Variants in HEMK2 observed in about 807,000 individuals in gnomAD.
HEMK2 encodes methyltransferase HEMK2.
chr21:28,767,652 A>T, the HEMK2 span, among the ~76,000 whole-genome samples: 2 of 152,122 alleles, frequency 1.3e-5, no homozygotes, highest in African/African-American at 4.8e-5. Context: ...AATCCGTTGT[A>T]ACCACACACA....
the HEMK2 span, among the ~76,000 whole-genome samples, chr21:28,802,285 T>C: frequency 6.6e-6 from 1 of 152,220 alleles, no homozygotes; most frequent in Admixed American, 6.5e-5. Flanking sequence ...CAGTGTGTGT[T>C]GTATGTTACC....
At chr21:28,884,557 A>C in the HEMK2 span, among the ~76,000 whole-genome samples, 6 of 152,246 alleles carry the variant, frequency 3.9e-5, no homozygotes, top group African/African-American at 1.4e-4. Context: ...CGATCACTTC[A>C]ATAAATCCAT....
At chr21:28,597,497 G>C in the HEMK2 span, among the ~76,000 whole-genome samples, 2 of 152,142 alleles carry the variant, frequency 1.3e-5, no homozygotes, top group African/African-American at 4.8e-5. Flanking sequence ...TTCTTTTTCT[G>C]GTAGTTTTGA....
the HEMK2 span, among the ~76,000 whole-genome samples, chr21:28,812,817 G>A: frequency 1.3e-5 from 2 of 152,156 alleles, no homozygotes; most frequent in African/African-American, 4.8e-5. Context: ...TTCATAACTT[G>A]TTATTGGTCT....
chr21:28,717,339 G>T, the HEMK2 span, among the ~76,000 whole-genome samples: 1 of 151,942 alleles, frequency 6.6e-6, no homozygotes, highest in Non-Finnish European at 1.5e-5. Context: ...ACTTCTTTTT[G>T]ATTCAATCTA....
the HEMK2 span, chr21:28,885,102 C>A: frequency 2.9e-6 from 4 of 1,392,884 alleles, no homozygotes; most frequent in Non-Finnish European, 3.8e-6. Context: ...GCAAGTGGAC[C>A]CCGCCTGCTC....
the HEMK2 span, among the ~76,000 whole-genome samples, chr21:28,703,799 T>C: frequency 6.6e-6 from 1 of 152,218 alleles, no homozygotes; most frequent in Non-Finnish European, 1.5e-5. Flanking sequence ...CCGTGTAAAA[T>C]TTATTGGATG....
chr21:28,809,312 T>C, the HEMK2 span, among the ~76,000 whole-genome samples: 1 of 152,192 alleles, frequency 6.6e-6, no homozygotes, highest in South Asian at 2.1e-4. Context: ...CATATTGTTA[T>C]GTATCAGTAA....
At chr21:28,698,590 T>G in the HEMK2 span, among the ~76,000 whole-genome samples, 1 of 152,152 alleles carries the variant, frequency 6.6e-6, no homozygotes, top group Non-Finnish European at 1.5e-5. Context: ...AATGTGTAAC[T>G]AATACAGTAA....
At chr21:28,737,852 T>C in the HEMK2 span, among the ~76,000 whole-genome samples, 3 of 152,168 alleles carry the variant, frequency 2.0e-5, no homozygotes, top group South Asian at 4.2e-4. Flanking sequence ...CCATTGCTGA[T>C]TGGCAGCTAG....
the HEMK2 span, chr21:28,875,699 G>T: frequency 6.6e-6 from 1 of 152,174 alleles, no homozygotes; most frequent in Non-Finnish European, 1.5e-5. Flanking sequence ...TAAGTATTGT[G>T]CCTCTTTCTT....
At chr21:28,824,218 T>C in the HEMK2 span, among the ~76,000 whole-genome samples, 4 of 152,148 alleles carry the variant, frequency 2.6e-5, no homozygotes, top group Non-Finnish European at 1.5e-5. Flanking sequence ...GTTGCTGCTG[T>C]TGTTGTTGTC....
At chr21:28,658,851 T>C in the HEMK2 span, among the ~76,000 whole-genome samples, 1 of 152,122 alleles carries the variant, frequency 6.6e-6, no homozygotes, top group African/African-American at 2.4e-5. Context: ...TAATTGCTAT[T>C]ACATTTCATC....
the HEMK2 span, among the ~76,000 whole-genome samples, chr21:28,812,944 T>C: frequency 6.6e-6 from 1 of 152,226 alleles, no homozygotes; most frequent in African/African-American, 2.4e-5. Context: ...TAGTACTCTC[T>C]GATGGTAGTT....
the HEMK2 span, among the ~76,000 whole-genome samples, chr21:28,862,363 G>T: frequency 2.0e-5 from 3 of 148,704 alleles, no homozygotes; most frequent in East Asian, 5.8e-4. Context: ...GTAGTCGCCG[G>T]GCGCGGTGGG....
chr21:28,821,068 T>C, the HEMK2 span, among the ~76,000 whole-genome samples: 1 of 152,234 alleles, frequency 6.6e-6, no homozygotes, highest in Non-Finnish European at 1.5e-5. Context: ...TTAATAAAGA[T>C]AGTAAAGCAT....
At chr21:28,693,799 T>C in the HEMK2 span, among the ~76,000 whole-genome samples, 1 of 152,204 alleles carries the variant, frequency 6.6e-6, no homozygotes, top group Admixed American at 6.5e-5. Context: ...CTATCTAAGA[T>C]GCACATATAT....
the HEMK2 span, among the ~76,000 whole-genome samples, chr21:28,665,358 A>ATTTTTTTTTTTTTTTTTTTTTTTTTTTTT: frequency 3.4e-5 from 1 of 29,738 alleles, no homozygotes; most frequent in African/African-American, 2.0e-4. Flanking sequence ...TTTTTTTTTT[A>ATTTTTTTTTTTTTTTTTTTTTTTTTTTTT]CTTTTTAATT....
At chr21:28,644,324 G>A in the HEMK2 span, among the ~76,000 whole-genome samples, 4 of 152,224 alleles carry the variant, frequency 2.6e-5, no homozygotes, top group Non-Finnish European at 4.4e-5. Context: ...TGGGGAGACC[G>A]CCCCATAATT....
Sources: allele counts gnomAD v4.1 joint callset (sites outside exome capture counted in the v4.1 genomes callset), GRCh38; gene constraint gnomAD v4.1.1; transcripts MANE v1.5; gene names NCBI Gene and HGNC (gene_info 2026-07-23, HGNC 2026-07-21).